Variants in CYP4B1 observed in about 807,000 individuals in gnomAD.
The protein encoded by CYP4B1 is cytochrome P450 4B1.
CYP4B1 carries 45 observed loss-of-function variants against 54.0 expected under a neutral mutation model. The observed-to-expected ratio is 0.83, with a 90% CI of 0.66 to 1.07. CYP4B1 has a LOEUF of 1.07. Ranked by LOEUF, CYP4B1 falls within the 50% of genes least tolerant of loss-of-function variation. The pLI is 0.00. For missense variants in CYP4B1, 656 were observed against 655.4 expected (o/e 1.00, Z -0.01); for synonymous variants, 248 against 247.5 (o/e 1.00, Z -0.02).
intron 9 of CYP4B1, 61 bp downstream of exon 9, chr1:46,817,242 G>A (rs1679372654): frequency 6.2e-7 from 1 of 1,602,108 alleles, no homozygotes; most frequent in Non-Finnish European, 8.5e-7. Context: ...GGCACCCTCT[G>A]TGCCTTTAGT....
At chr1:46,809,857 A>G (rs185006929) in intron 1 of CYP4B1, among the ~76,000 whole-genome samples, 1 of 152,372 alleles carries the variant, frequency 6.6e-6, no homozygotes, top group Admixed American at 6.5e-5. Context: ...CTTGGAAAGG[A>G]GGACAAGTTA....
chr1:46,808,301 C>A (rs1461933170), intron 1 of CYP4B1, among the ~76,000 whole-genome samples: 1 of 152,090 alleles, frequency 6.6e-6, no homozygotes, highest in African/African-American at 2.4e-5. Context: ...TCCTCTCCAG[C>A]ACCTGTTGTT....
chr1:46,815,499 G>T, intron 8 of CYP4B1: 1 of 385,912 alleles, frequency 2.6e-6, no homozygotes, highest in Non-Finnish European at 4.6e-6. Flanking sequence ...AGAGAAAGTT[G>T]TCAACAAGAG....
Position 46,818,835 on chromosome 1 carries a change from C to T in CYP4B1, c.*21C>T. ...AGTAGCTCTGATGAGAATGGGGTCCCAGATGGCTCAGGCTGTGACCTCCCT... is the reference window on the plus strand; with the variant it reads ...AGTAGCTCTGATGAGAATGGGGTCCTAGATGGCTCAGGCTGTGACCTCCCT... On this transcript the variant is annotated 3_prime_UTR_variant, in exon 12 of 12. Coordinates refer to ENST00000371923, the MANE Select transcript of CYP4B1 (RefSeq NM_001099772.2). The T allele has an allele frequency of 6.2e-7, 1 of 1,612,702 alleles. No individual in the cohort carries two copies. Among genetic ancestry groups the T allele is most frequent in the African/African-American group, 1.3e-5 (1 of 75,010 alleles).
intron 8 of CYP4B1, among the ~76,000 whole-genome samples, chr1:46,816,188 G>C (rs929617887): frequency 6.6e-6 from 1 of 152,170 alleles, no homozygotes; most frequent in East Asian, 1.9e-4. Context: ...TGCTCGTGGG[G>C]AGTTTTATGG....
intron 1 of CYP4B1, among the ~76,000 whole-genome samples, chr1:46,803,974 A>C (rs114986206): frequency 0.016 from 2,500 of 152,006 alleles, 49 homozygotes; most frequent in South Asian, 0.06. Context: ...AAGAATCTGG[A>C]GGGTGTCATG....
At position 46,818,533 on chromosome 1, in the gene CYP4B1, C is replaced by T; in HGVS notation, c.1356-98C>T. 2.3e-6 allele frequency: 3 copies of T among 1,280,748 alleles called. No homozygotes were observed. In the South Asian group the frequency reaches 3.9e-5, roughly 17 times the overall value. 79.3% of individuals were successfully genotyped at this position (1,280,748 alleles called of 1,614,324 possible). On this transcript the variant is annotated intron_variant, in intron 11 of 11. Transcript: ENST00000371923. ...CCAATCTATCAGCCAGTTATTCATC[C>T]AAAAACAGTTATTGACTTTTGTTGG...
intron 1 of CYP4B1, among the ~76,000 whole-genome samples, chr1:46,806,072 CT>C (rs1678848911): frequency 6.6e-6 from 1 of 152,176 alleles, no homozygotes; most frequent in Non-Finnish European, 1.5e-5. Flanking sequence ...ACTAAGAAGC[CT>C]TTTGAGGAAT....
At chr1:46,799,744 C>T (rs1370990887) in intron 1 of CYP4B1, among the ~76,000 whole-genome samples, 2 of 152,212 alleles carry the variant, frequency 1.3e-5, no homozygotes, top group African/African-American at 4.8e-5. Flanking sequence ...AGTGTCTAAG[C>T]GGTTGGTGTC....
chr1:46,817,853 C>T (rs1271678023), intron 9 of CYP4B1, 112 bp from the exon 10 acceptor site: 3 of 857,324 alleles, frequency 3.5e-6, no homozygotes, highest in Non-Finnish European at 5.9e-6. Flanking sequence ...TGGCAGTGGT[C>T]AGGCAGGAGC....
At chr1:46,809,501 T>C (rs1337222193) in intron 1 of CYP4B1, among the ~76,000 whole-genome samples, 2 of 152,224 alleles carry the variant, frequency 1.3e-5, no homozygotes, top group African/African-American at 2.4e-5. Context: ...TCAACAGGAA[T>C]TTTATGGGAC....
At chr1:46,817,307 G>GTT in intron 9 of CYP4B1, 126 bp downstream of exon 9, 1 of 1,123,332 alleles carries the variant, frequency 8.9e-7, no homozygotes, top group Non-Finnish European at 1.3e-6. Context: ...AGAGCCCTGG[G>GTT]TCTAAATCCC....
rs1487391289 is a variant in CYP4B1, at chr1:46,813,521, G to A, written c.535G>A (p.Asp179Asn). The change falls in exon 5 of 12, where the codon GAC (aspartate) becomes AAC (asparagine). Residue 179 changes from aspartate (D) to asparagine (N), a missense_variant. Asp to Asn is a conservative substitution (Grantham distance 23). Coordinates refer to ENST00000371923, the MANE Select transcript of CYP4B1 (RefSeq NM_001099772.2). ...EEKAREGKSFDIFCDVGHMAL... is the reference protein window; with the variant it reads ...EEKAREGKSFNIFCDVGHMAL... The stretch of plus-strand genomic sequence containing the variant: ...GAAAGCTCGGGAGGGTAAGTCCTTT[G>A]ACATCTTCTGCGATGTGGGTCACAT... 1 of 1,614,086 alleles carries A rather than the reference G, an allele frequency of 6.2e-7. No individual in the cohort carries two copies. Among genetic ancestry groups the A allele is most frequent in the Non-Finnish European group, 8.5e-7 (1 of 1,180,042 alleles).
intron 3 of CYP4B1, chr1:46,812,179 G>A: frequency 2.0e-6 from 1 of 504,302 alleles, no homozygotes; most frequent in Non-Finnish European, 3.9e-6. Flanking sequence ...GTCCCCAGGG[G>A]GATGCGTGTC....
chr1:46,813,602 C>A lies in CYP4B1; in HGVS notation c.616C>A (p.His206Asn), dbSNP rs1254420492. 1 of 1,613,896 alleles carries A rather than the reference C, an allele frequency of 6.2e-7. No individual in the cohort carries two copies. Among genetic ancestry groups the A allele is most frequent in the African/African-American group, 1.3e-5 (1 of 75,056 alleles). ...TFGRGDTGLGHSRDSSYYLAV... is the reference protein window; with the variant it reads ...TFGRGDTGLGNSRDSSYYLAV... ...TGGAAGAGGAGACACCGGCCTGGGC[C>A]ACAGGTCAGGAGCCACCTCGGGGCT... Residue 206 changes from histidine (H) to asparagine (N), a missense_variant, in exon 5 of 12, where the codon CAC becomes AAC. By Grantham distance (68) the His-to-Asn change is moderately conservative (BLOSUM62 1). Coordinates refer to ENST00000371923, the MANE Select transcript of CYP4B1 (RefSeq NM_001099772.2).
chr1:46,803,621 G>A (rs1164645804), intron 1 of CYP4B1, among the ~76,000 whole-genome samples: 2 of 152,116 alleles, frequency 1.3e-5, no homozygotes, highest in Non-Finnish European at 2.9e-5. Context: ...GCTCAGTGGT[G>A]GGCAGCACTT....
chr1:46,818,419 G>T (rs41285928), intron 11 of CYP4B1, among the ~76,000 whole-genome samples: 5 of 152,272 alleles, frequency 3.3e-5, no homozygotes, highest in Non-Finnish European at 7.4e-5. Context: ...TTCCAAGAGA[G>T]AACCCCATGC....
rs377260959 is a variant in CYP4B1 at position 46,799,274 on chromosome 1, C to G, written c.180+13C>G. On this transcript the variant is annotated intron_variant, in intron 1 of 11. Transcript: ENST00000371923. The stretch of plus-strand genomic sequence containing the variant: ...ACATGCCCTCGAGGTATGTGGAGGT[C>G]GGGAGGGTGGGGGAGAAAGAAAACA... 2.0e-5 allele frequency: 31 copies of G among 1,571,068 alleles called. No individual in the cohort carries two copies. Among genetic ancestry groups the G allele is most frequent in the Non-Finnish European group, 2.4e-5 (28 of 1,157,196 alleles).
rs1023779273 is a variant in CYP4B1, at chr1:46,806,417, C to A, written c.181-4391C>A. On this transcript the variant is annotated intron_variant, in intron 1 of 11. Coordinates refer to ENST00000371923, the MANE Select transcript of CYP4B1 (RefSeq NM_001099772.2). ...AGCTTGTTTCTTGGACACTGGCCCA[C>A]TGAGCTTCGGGTCAACTGGCTGATG... Among the ~76,000 whole-genome samples, 3 of 152,230 alleles carry A rather than the reference C, an allele frequency of 2.0e-5. No homozygotes were observed. In the South Asian group the frequency reaches 6.2e-4, roughly 32 times the overall value.
Sources: allele counts gnomAD v4.1 joint callset (sites outside exome capture counted in the v4.1 genomes callset), GRCh38; gene constraint gnomAD v4.1.1; transcripts MANE v1.5; gene names NCBI Gene and HGNC (gene_info 2026-07-23, HGNC 2026-07-21).